MSI2: variants seen among roughly 807,000 people sequenced by gnomAD.
MSI2 encodes the protein RNA-binding protein Musashi homolog 2.
Under a neutral mutation model 45.6 loss-of-function variants are expected in MSI2, and 17 were observed. The observed-to-expected ratio is 0.37, with a 90% CI of 0.26 to 0.56. The LOEUF is 0.56. Ranked by LOEUF, MSI2 falls within the 20% of genes least tolerant of loss-of-function variation. MSI2 has a pLI of 0.77. For missense variants in MSI2, 293 were observed against 444.2 expected (o/e 0.66, Z 3.06); for synonymous variants, 156 against 158.2 (o/e 0.99, Z 0.11).
In MSI2 at chr17:57,560,739, G is replaced by A. The variant is rs536810333; in HGVS notation, c.454+31015G>A. Among the ~76,000 whole-genome samples, 3 of 152,350 alleles carry A rather than the reference G, an allele frequency of 2.0e-5. No individual in the cohort carries two copies. The South Asian group carries it at 6.2e-4, about 32-fold the overall frequency. On this transcript the variant is annotated intron_variant, in intron 7 of 13. Coordinates refer to ENST00000284073, the MANE Select transcript of MSI2 (RefSeq NM_138962.4). ...TATTATTAACAATTACTGCCGGTAT[G>A]GAGAGGAGTCATTAGGGCAATGCCT... is the stretch of plus-strand genomic sequence containing the variant.
chr17:57,512,977 T>TTTTTTC (rs1567869647), intron 6 of MSI2, among the ~76,000 whole-genome samples: 16 of 144,508 alleles, frequency 1.1e-4, no homozygotes, highest in African/African-American at 3.9e-4. Context: ...CCTTTTTTTT[T>TTTTTTC]TTTTTTTTCC....
intron 6 of MSI2, among the ~76,000 whole-genome samples, chr17:57,409,807 G>A (rs2084156045): frequency 6.6e-6 from 1 of 152,008 alleles, no homozygotes; most frequent in Non-Finnish European, 1.5e-5. Context: ...AGGAGTTCGA[G>A]ACCAGCCTGG....
At chr17:57,657,584 T>G (rs2144701774) in intron 11 of MSI2, among the ~76,000 whole-genome samples, 1 of 152,244 alleles carries the variant, frequency 6.6e-6, no homozygotes, top group South Asian at 2.1e-4. Context: ...AGTCAGGGGA[T>G]GGAATAAATA....
intron 7 of MSI2, among the ~76,000 whole-genome samples, chr17:57,576,669 G>A (rs1255013908): frequency 1.3e-5 from 2 of 151,314 alleles, no homozygotes; most frequent in Non-Finnish European, 2.9e-5. Context: ...CACAAGAATC[G>A]CTTGAAACTT....
intron 12 of MSI2, among the ~76,000 whole-genome samples, chr17:57,675,630 A>G (rs1913175902): frequency 1.3e-5 from 2 of 152,086 alleles, no homozygotes; most frequent in Admixed American, 1.3e-4. Flanking sequence ...GCCTTAGTCA[A>G]TAGAGCCCCT....
chr17:57,503,471 T>C (rs2143885460), intron 6 of MSI2, among the ~76,000 whole-genome samples: 1 of 152,368 alleles, frequency 6.6e-6, no homozygotes, highest in Non-Finnish European at 1.5e-5. Flanking sequence ...ATATGACACA[T>C]GTATTAAAAA....
At chr17:57,556,907 C>A (rs921100012) in intron 7 of MSI2, among the ~76,000 whole-genome samples, 1 of 152,176 alleles carries the variant, frequency 6.6e-6, no homozygotes, top group African/African-American at 2.4e-5. Flanking sequence ...TAATGTCTGG[C>A]CTTATTTGGT....
chr17:57,679,650 C>G lies in MSI2; in HGVS notation c.*133C>G, dbSNP rs1214820659. ...GACCCCCACCAGCCTCACTCCCCAT[C>G]CCAACCAGAGATGGCTCACTTCGGA... On this transcript the variant is annotated 3_prime_UTR_variant, in exon 14 of 14. Coordinates refer to ENST00000284073, the MANE Select transcript of MSI2 (RefSeq NM_138962.4). The G allele has an allele frequency of 1.9e-6, 2 of 1,052,350 alleles. No individual in the cohort carries two copies. Among genetic ancestry groups the G allele is most frequent in the Non-Finnish European group, 2.3e-6 (2 of 867,406 alleles). The allele number at this position is 1,052,350 out of a possible 1,614,324, so 65.2% of individuals were successfully genotyped here.
At chr17:57,482,492 C>T (rs908901951) in intron 6 of MSI2, among the ~76,000 whole-genome samples, 1 of 152,190 alleles carries the variant, frequency 6.6e-6, no homozygotes, top group African/African-American at 2.4e-5. Flanking sequence ...AAATATATTG[C>T]CATGGCCAAG....
intron 10 of MSI2, among the ~76,000 whole-genome samples, chr17:57,643,247 G>A (rs1418159721): frequency 6.6e-6 from 1 of 152,214 alleles, no homozygotes; most frequent in Non-Finnish European, 1.5e-5. Flanking sequence ...CGAGTGGGAT[G>A]AAAATGCCCC....
intron 6 of MSI2, among the ~76,000 whole-genome samples, chr17:57,405,456 A>G (rs981005468): frequency 6.6e-6 from 1 of 152,220 alleles, no homozygotes; most frequent in Non-Finnish European, 1.5e-5. Context: ...AAAAGTCAGT[A>G]ATGTAGAAAG....
At chr17:57,286,968 G>A (rs182960064) in intron 5 of MSI2, among the ~76,000 whole-genome samples, 35 of 152,140 alleles carry the variant, frequency 2.3e-4, no homozygotes, top group Non-Finnish European at 3.2e-4. Flanking sequence ...AACAAAGCAA[G>A]GCCTAGGGAG....
intron 5 of MSI2, among the ~76,000 whole-genome samples, chr17:57,390,246 C>T (rs959384656): frequency 6.6e-6 from 1 of 152,154 alleles, no homozygotes; most frequent in African/African-American, 2.4e-5. Flanking sequence ...CAGAGCAAGA[C>T]CCTGTCTCAA....
intron 6 of MSI2, among the ~76,000 whole-genome samples, chr17:57,485,926 A>G (rs573005280): frequency 6.6e-6 from 1 of 152,326 alleles, no homozygotes; most frequent in South Asian, 2.1e-4. Context: ...CCACTCTTGC[A>G]GGCCAAGACT....
At chr17:57,638,812 G>A (rs2144646281) in intron 10 of MSI2, among the ~76,000 whole-genome samples, 1 of 152,290 alleles carries the variant, frequency 6.6e-6, no homozygotes, top group South Asian at 2.1e-4. Context: ...TGAGGCGGAA[G>A]GATCACTTGA....
Position 57,563,746 on chromosome 17 carries a change from G to GCGCACACACACA in MSI2, c.455-33121_455-33120insGCACACACACAC, listed in dbSNP as rs534460755. On this transcript the variant is annotated intron_variant, in intron 7 of 13. Coordinates refer to ENST00000284073, the MANE Select transcript of MSI2 (RefSeq NM_138962.4). ...TTCCCTCTCACACACACACAGGCGC[G>GCGCACACACACA]CACACACACACACACACACACACAC... 7.6e-4 allele frequency among the ~76,000 whole-genome samples: 106 copies of GCGCACACACACA among 139,394 alleles called. 1 individual carries two copies. The highest frequency in any genetic ancestry group is 2.7e-3 in the African/African-American group (102 of 37,312). 91.4% of individuals were successfully genotyped at this position (139,394 alleles called of 152,430 possible).
chr17:57,663,345 T>C (rs1366436130), intron 11 of MSI2, among the ~76,000 whole-genome samples: 1 of 152,238 alleles, frequency 6.6e-6, no homozygotes, highest in Non-Finnish European at 1.5e-5. Context: ...TGTTCCTGGT[T>C]ACTTATTAAT....
At chr17:57,293,174 A>G (rs1299586951) in intron 5 of MSI2, among the ~76,000 whole-genome samples, 4 of 151,414 alleles carry the variant, frequency 2.6e-5, no homozygotes, top group Non-Finnish European at 5.9e-5. Context: ...TTTCAGAGCC[A>G]CCCCTGGGTG....
intron 7 of MSI2, among the ~76,000 whole-genome samples, chr17:57,557,073 G>C (rs148795489): frequency 4.5e-4 from 69 of 152,228 alleles, no homozygotes; most frequent in African/African-American, 1.6e-3. Context: ...TGTTGGGATC[G>C]CCAAGATGCC....
Sources: gnomAD v4.1 joint callset for allele counts (sites outside exome capture counted in the v4.1 genomes callset) on GRCh38, gnomAD v4.1.1 for gene constraint, MANE v1.5 for transcripts, NCBI Gene and HGNC (gene_info 2026-07-23, HGNC 2026-07-21) for gene names.